Variants in FSIP1 observed in about 807,000 individuals in gnomAD.
FSIP1 encodes fibrous sheath interacting protein 1.
A neutral mutation model predicts 60.9 loss-of-function variants in FSIP1; 65 were observed. The ratio of observed to expected loss-of-function variants is 1.07; its 90% CI spans 0.87 to 1.31. FSIP1 has a LOEUF of 1.31. Among genes scored for constraint, FSIP1 ranks in the 40% most tolerant of loss-of-function variants. The pLI is 0.00. For synonymous variants in FSIP1, 209 were observed against 221.2 expected (o/e 0.94, Z 0.49); for missense variants, 675 against 665.5 (o/e 1.01, Z -0.16).
Position 39,770,544 on chromosome 15 carries a change from T to C in FSIP1, c.193A>G (p.Arg65Gly), listed in dbSNP as rs1566921275. 6.2e-7 allele frequency: 1 copy of C among 1,611,040 alleles called. No homozygotes were observed. The highest frequency in any genetic ancestry group is 2.2e-5 in the East Asian group (1 of 44,710). ...TGCTTATCATCATTACTAGTTCTTCTGTTCTCTGTATTACTGCTTTCGGAG... is the reference window on the plus strand; with the variant it reads ...TGCTTATCATCATTACTAGTTCTTCCGTTCTCTGTATTACTGCTTTCGGAG... The part of the protein sequence containing the change: ...DHSESSNTEN[R>G]RTSNDDKQES... The change falls in exon 3 of 12, where the codon AGA becomes GGA. Residue 65 changes from arginine (R) to glycine (G), a missense_variant. Arg to Gly is a moderately radical substitution (Grantham distance 125). Transcript: ENST00000350221.
At chr15:39,672,095 T>G (rs1485137212) in intron 10 of FSIP1, among the ~76,000 whole-genome samples, 4 of 152,088 alleles carry the variant, frequency 2.6e-5, no homozygotes, top group Admixed American at 6.5e-5. Flanking sequence ...GGTTTTGGAG[T>G]CAAGGAGACT....
intron 10 of FSIP1, among the ~76,000 whole-genome samples, chr15:39,644,829 G>C (rs1892527775): frequency 6.6e-6 from 1 of 151,036 alleles, no homozygotes; most frequent in South Asian, 2.1e-4. Context: ...GCCATCAAAG[G>C]TTGAGAAAAT....
chr15:39,677,633 A>T (rs748208563), intron 10 of FSIP1, among the ~76,000 whole-genome samples: 1 of 152,246 alleles, frequency 6.6e-6, no homozygotes, highest in Non-Finnish European at 1.5e-5. Context: ...TATATCTAAT[A>T]GCACAAAATC....
intron 10 of FSIP1, among the ~76,000 whole-genome samples, chr15:39,704,251 G>GA (rs1329591956): frequency 6.6e-6 from 1 of 152,056 alleles, no homozygotes; most frequent in Non-Finnish European, 1.5e-5. Context: ...TGTTACAAGT[G>GA]AAAAAAAGAT....
intron 8 of FSIP1, among the ~76,000 whole-genome samples, chr15:39,732,936 T>C (rs1407822094): frequency 6.6e-6 from 1 of 152,222 alleles, no homozygotes; most frequent in African/African-American, 2.4e-5. Context: ...TTCCTCTGAA[T>C]TTCTATTCTA....
At chr15:39,605,105 A>G (rs1890774970) in intron 11 of FSIP1, among the ~76,000 whole-genome samples, 1 of 152,224 alleles carries the variant, frequency 6.6e-6, no homozygotes, top group African/African-American at 2.4e-5. Flanking sequence ...TTCAGCCTCA[A>G]GTATATTCAG....
intron 9 of FSIP1, among the ~76,000 whole-genome samples, chr15:39,722,699 G>A (rs1896029736): frequency 2.0e-5 from 3 of 152,154 alleles, no homozygotes; most frequent in Admixed American, 1.3e-4. Context: ...GGGAGGTTGA[G>A]GCAGGTGGAT....
At chr15:39,689,180 G>A (rs750331438) in intron 10 of FSIP1, among the ~76,000 whole-genome samples, 4 of 152,042 alleles carry the variant, frequency 2.6e-5, no homozygotes, top group Non-Finnish European at 4.4e-5. Context: ...ACAGCCAAAC[G>A]GAACAGATGC....
intron 5 of FSIP1, 58 bp from the exon 6 acceptor site, chr15:39,741,958 A>G: frequency 1.1e-6 from 1 of 922,650 alleles, no homozygotes. Context: ...GTAGTTGTCT[A>G]CAAAATTGTT....
intron 9 of FSIP1, among the ~76,000 whole-genome samples, chr15:39,716,462 G>A (rs8041499): frequency 0.033 from 4,983 of 152,214 alleles, 267 homozygotes; most frequent in African/African-American, 0.11. Context: ...AAATCTGACA[G>A]AGGACTTGTA....
chr15:39,731,826 C>T (rs563679458), intron 8 of FSIP1, among the ~76,000 whole-genome samples: 6 of 152,156 alleles, frequency 3.9e-5, no homozygotes, highest in Non-Finnish European at 7.4e-5. Flanking sequence ...GACCTGAGAT[C>T]GGATGCAAAC....
intron 10 of FSIP1, among the ~76,000 whole-genome samples, chr15:39,687,056 T>C (rs78841297): frequency 0.019 from 2,834 of 151,860 alleles, 34 homozygotes; most frequent in South Asian, 0.032. Flanking sequence ...TGTCCTTCCC[T>C]GCTTTGCAGC....
intron 10 of FSIP1, among the ~76,000 whole-genome samples, chr15:39,690,479 T>C (rs182181319): frequency 5.2e-4 from 79 of 152,338 alleles, no homozygotes; most frequent in African/African-American, 1.9e-3. Flanking sequence ...TTCATTGGTT[T>C]TGAGACCCCA....
intron 10 of FSIP1, among the ~76,000 whole-genome samples, chr15:39,707,482 C>A (rs1470407194): frequency 6.6e-6 from 1 of 152,112 alleles, no homozygotes; most frequent in Non-Finnish European, 1.5e-5. Context: ...CTTTCTTTCA[C>A]CCCAAGTCAG....
At chr15:39,722,800 T>C (rs1217234105) in intron 9 of FSIP1, among the ~76,000 whole-genome samples, 2 of 152,076 alleles carry the variant, frequency 1.3e-5, no homozygotes, top group Non-Finnish European at 2.9e-5. Flanking sequence ...TGTGATGGCA[T>C]GCACCTGTAG....
intron 5 of FSIP1, among the ~76,000 whole-genome samples, chr15:39,748,429 G>T (rs1897065491): frequency 6.6e-6 from 1 of 152,048 alleles, no homozygotes; most frequent in Non-Finnish European, 1.5e-5. Context: ...ATTTTCCCTG[G>T]GGGTATTAAT....
chr15:39,643,692 A>G (rs1274357818), intron 10 of FSIP1, among the ~76,000 whole-genome samples: 1 of 152,170 alleles, frequency 6.6e-6, no homozygotes, highest in African/African-American at 2.4e-5. Context: ...TTCTTTTTGT[A>G]AAAAAACAGT....
intron 2 of FSIP1, among the ~76,000 whole-genome samples, chr15:39,772,976 T>C (rs1455620855): frequency 6.6e-6 from 1 of 152,134 alleles, no homozygotes; most frequent in African/African-American, 2.4e-5. Context: ...TGAAACCCCT[T>C]ACTAGTATTT....
At chr15:39,782,529 C>G (rs1221050507) in intron 1 of FSIP1, 99 bp downstream of exon 1, 1 of 150,974 alleles carries the variant, frequency 6.6e-6, no homozygotes, top group Non-Finnish European at 1.5e-5. Flanking sequence ...CCCTGACAGT[C>G]CATCTACATG....
Sources: allele counts gnomAD v4.1 joint callset (sites outside exome capture counted in the v4.1 genomes callset), GRCh38; gene constraint gnomAD v4.1.1; transcripts MANE v1.5; gene names NCBI Gene and HGNC (gene_info 2026-07-23, HGNC 2026-07-21).